Variants in AGBL1 observed in about 807,000 individuals in gnomAD.
The protein encoded by AGBL1 is cytosolic carboxypeptidase 4.
A neutral mutation model predicts 118.9 loss-of-function variants in AGBL1; 130 were observed. The observed-to-expected ratio is 1.09, with a 90% confidence interval of 0.95 to 1.26. AGBL1 has a LOEUF of 1.26. Among genes scored for constraint, AGBL1 ranks in the 50% most tolerant of loss-of-function variants. The pLI, the probability that AGBL1 is intolerant of heterozygous loss-of-function variation, is 0.00. For synonymous variants in AGBL1, 555 were observed against 478.9 expected, an observed-to-expected ratio of 1.16 and a Z score of -2.08; for missense variants, 1,584 against 1,298.1, an observed-to-expected ratio of 1.22 and a Z score of -3.38.
At position 86,574,709 on chromosome 15, in the gene AGBL1, C is replaced by A. The variant is rs547886611; in HGVS notation, c.2994+20172C>A. ...TCTTCTGCCTCAGTCTCCTGAGTAC[C>A]TGGGACTACAGGCAAGCACCACCAC... On this transcript the variant is annotated intron_variant, in intron 21 of 22. Coordinates refer to ENST00000614907, the MANE Select transcript of AGBL1 (RefSeq NM_001386094.1). Among the ~76,000 whole-genome samples, 165 of 150,900 alleles carry A rather than the reference C, an allele frequency of 1.1e-3. 2 individuals are homozygous for A. In the South Asian group the frequency reaches 0.032, roughly 29 times the overall value.
chr15:86,456,236 A>T (rs561818083), intron 18 of AGBL1, among the ~76,000 whole-genome samples: 1 of 152,346 alleles, frequency 6.6e-6, no homozygotes, highest in South Asian at 2.1e-4. Context: ...TTAATAAGTC[A>T]CATCACATTT....
intron 17 of AGBL1, among the ~76,000 whole-genome samples, chr15:86,328,461 T>G (rs2080221214): frequency 6.6e-6 from 1 of 152,166 alleles, no homozygotes; most frequent in Non-Finnish European, 1.5e-5. Context: ...GGTTTTTAAT[T>G]TTTTTTCCAA....
chr15:86,786,224 T>C (rs754032816), intron 22 of AGBL1, among the ~76,000 whole-genome samples: 1 of 152,118 alleles, frequency 6.6e-6, no homozygotes, highest in Non-Finnish European at 1.5e-5. Context: ...TCATTTAGCA[T>C]TAGGTATATC....
downstream of AGBL1, among the ~76,000 whole-genome samples, chr15:87,029,820 TACACATGCAA>T (rs575408752): frequency 2.6e-3 from 399 of 151,822 alleles, 3 homozygotes; most frequent in African/African-American, 9.1e-3. Flanking sequence ...CACACACACG[TACACATGCAA>T]ACACATGCAC....
intron 22 of AGBL1, among the ~76,000 whole-genome samples, chr15:86,727,346 G>C (rs552751554): frequency 2.6e-5 from 4 of 152,230 alleles, no homozygotes; most frequent in African/African-American, 9.6e-5. Context: ...GATGTGACGC[G>C]ATCACACATG....
intron 18 of AGBL1, among the ~76,000 whole-genome samples, chr15:86,481,738 T>G (rs1288240593): frequency 6.6e-6 from 1 of 152,118 alleles, no homozygotes; most frequent in African/African-American, 2.4e-5. Context: ...TTGCACTTTA[T>G]TTTCTTCAGA....
intron 19 of AGBL1, among the ~76,000 whole-genome samples, chr15:86,532,685 G>A (rs1017800239): frequency 2.6e-4 from 39 of 151,750 alleles, no homozygotes; most frequent in African/African-American, 9.2e-4. Context: ...AAAGCTGGAG[G>A]CATCAGACTA....
At chr15:86,159,073 G>T (rs754425920) in intron 5 of AGBL1, 47 bp downstream of exon 5, 1 of 1,538,166 alleles carries the variant, frequency 6.5e-7, no homozygotes, top group Admixed American at 1.7e-5. Flanking sequence ...AACAGATGGA[G>T]AGATGGAGAT....
In AGBL1 at chr15:86,643,509, G is replaced by A. The variant is rs183127954; in HGVS notation, c.2995-30764G>A. 3.2e-3 allele frequency among the ~76,000 whole-genome samples: 484 copies of A among 152,064 alleles called. 2 individuals carry two copies. The highest frequency in any genetic ancestry group is 0.011 in the African/African-American group (437 of 41,518). On this transcript the variant is annotated intron_variant, in intron 21 of 22. Transcript: ENST00000614907. Reference sequence around the variant, plus strand: ...TTAAGTACTTTGAAAGAAATTTTACGTATATTAGCTTGTCGCTAACTTCTC... The same window carrying A: ...TTAAGTACTTTGAAAGAAATTTTACATATATTAGCTTGTCGCTAACTTCTC...
intron 17 of AGBL1, among the ~76,000 whole-genome samples, chr15:86,374,278 T>C (rs1051088133): frequency 6.6e-6 from 1 of 152,244 alleles, no homozygotes; most frequent in Non-Finnish European, 1.5e-5. Context: ...GAAACGTCTG[T>C]GGATTTATTA....
intron 18 of AGBL1, among the ~76,000 whole-genome samples, chr15:86,465,511 C>T (rs917855938): frequency 6.6e-6 from 1 of 152,180 alleles, no homozygotes; most frequent in African/African-American, 2.4e-5. Context: ...TCATATTTCT[C>T]TTCTTTCAGA....
intron 4 of AGBL1, among the ~76,000 whole-genome samples, chr15:86,158,490 C>G (rs905727718): frequency 6.6e-6 from 1 of 152,180 alleles, no homozygotes; most frequent in Non-Finnish European, 1.5e-5. Flanking sequence ...AGAGCTCTAC[C>G]TAAAGTGATC....
rs562095862 is a variant in AGBL1, at chr15:86,361,054, A to C, written c.2375-36312A>C. Among the ~76,000 whole-genome samples the C allele has an allele frequency of 1.8e-3, 278 of 151,872 alleles. 2 individuals carry two copies. Among genetic ancestry groups the C allele is most frequent in the Non-Finnish European group, 3.2e-3 (216 of 67,806 alleles). The stretch of plus-strand genomic sequence containing the variant: ...AAAAACTAATTTCTTAAAGGTATAA[A>C]ATTTATTTGAGATCTTTCTTCTTTT... On this transcript the variant is annotated intron_variant, in intron 17 of 22. Coordinates refer to ENST00000614907, the MANE Select transcript of AGBL1 (RefSeq NM_001386094.1).
intron 6 of AGBL1, among the ~76,000 whole-genome samples, chr15:86,230,984 A>C (rs1597593375): frequency 1.3e-5 from 2 of 152,314 alleles, no homozygotes; most frequent in Admixed American, 1.3e-4. Flanking sequence ...ACAGGAGGAA[A>C]CTGAGGACCA....
chr15:86,545,464 C>T (rs1387483567), intron 19 of AGBL1, among the ~76,000 whole-genome samples: 1 of 152,050 alleles, frequency 6.6e-6, no homozygotes, highest in Non-Finnish European at 1.5e-5. Flanking sequence ...AAACTTGTGT[C>T]ATGGAGCTTT....
rs984778489 is a variant in AGBL1, at chr15:86,264,469, A to T, written c.1298A>T (p.Asn433Ile). ...RSTVHLGSKKNPGVNLYQNVQ... is the reference protein window; with the variant it reads ...RSTVHLGSKKIPGVNLYQNVQ... ...ACTGTGCATCTAGGCTCCAAAAAAA[A>T]TCCTGGAGTGAACCTGTACCAAAAT... Residue 433 changes from asparagine (N) to isoleucine (I), a missense_variant, in exon 11 of 23, where the codon AAT becomes ATT. Coordinates refer to ENST00000614907, the MANE Select transcript of AGBL1 (RefSeq NM_001386094.1). 1 of 1,614,026 alleles carries T rather than the reference A, an allele frequency of 6.2e-7. No homozygotes were observed.
intron 18 of AGBL1, among the ~76,000 whole-genome samples, chr15:86,496,461 T>C (rs895845787): frequency 2.0e-5 from 3 of 152,070 alleles, no homozygotes; most frequent in Non-Finnish European, 4.4e-5. Flanking sequence ...AGAGATGATA[T>C]AGCTTTTTTA....
chr15:86,277,313 T>G (rs868494536), intron 15 of AGBL1, among the ~76,000 whole-genome samples: 3 of 99,482 alleles, frequency 3.0e-5, no homozygotes, highest in Non-Finnish European at 2.0e-5. Flanking sequence ...CATGTGTGTG[T>G]GTGTATGTGT....
intron 1 of AGBL1, among the ~76,000 whole-genome samples, chr15:86,102,710 G>C (rs1250652602): frequency 1.3e-5 from 2 of 152,070 alleles, no homozygotes; most frequent in African/African-American, 4.8e-5. Flanking sequence ...GAGGTTTTTA[G>C]AATTCTCTTT....
Sources: allele counts gnomAD v4.1 joint callset (sites outside exome capture counted in the v4.1 genomes callset), GRCh38; gene constraint gnomAD v4.1.1; transcripts MANE v1.5; gene names NCBI Gene and HGNC (gene_info 2026-07-23, HGNC 2026-07-21).